Variants in PCDHGA3 observed in about 807,000 individuals in gnomAD.
The protein encoded by PCDHGA3 is protocadherin gamma subfamily A, 3.
In PCDHGA3, 40 loss-of-function variants were observed where a neutral mutation model predicts 58.5. That is an observed-to-expected ratio of 0.68 (90% CI 0.53 to 0.89). The LOEUF (loss-of-function observed/expected upper bound fraction) is 0.89, where lower values mean the gene tolerates loss of function less well. Ranked by LOEUF, PCDHGA3 falls within the 40% of genes least tolerant of loss-of-function variation. The pLI is 0.00. For missense variants in PCDHGA3, 1,223 were observed against 1,195.9 expected (o/e 1.02, Z -0.33); for synonymous variants, 530 against 525.7 (o/e 1.01, Z -0.11).
At chr5:141,505,282 G>C (rs73280377) in intron 2 of PCDHGA3, 111 bp from the exon 3 acceptor site, 37,017 of 1,544,812 alleles carry the variant, frequency 0.024, 1,115 homozygotes, top group African/African-American at 0.15. Context: ...AACAGGTCTT[G>C]GGCATGGGGT....
intron 1 of PCDHGA3, among the ~76,000 whole-genome samples, chr5:141,359,492 G>A (rs1040893615): frequency 4.0e-5 from 6 of 149,576 alleles, no homozygotes; most frequent in East Asian, 1.9e-4. Context: ...TTCATATTAC[G>A]GACTACTAGA....
At chr5:141,375,246 G>C in intron 1 of PCDHGA3, 1 of 1,613,930 alleles carries the variant, frequency 6.2e-7, no homozygotes, top group South Asian at 1.1e-5. Flanking sequence ...TCCATCCCGA[G>C]AAGTCTCCCA....
At position 141,344,334 on chromosome 5, in the gene PCDHGA3, CTG is replaced by C. The variant is rs1757404707; in HGVS notation, c.305_306del (p.Cys102SerfsTer5). The C allele has an allele frequency of 4.3e-6, 7 of 1,613,950 alleles. No homozygotes were observed. The highest frequency in any genetic ancestry group is 5.9e-6 in the Non-Finnish European group (7 of 1,179,894). On this transcript the variant is annotated frameshift_variant, in exon 1 of 4. Coordinates refer to ENST00000253812, the MANE Select transcript of PCDHGA3 (RefSeq NM_018916.4). LOFTEE classifies it high-confidence loss of function. ...DREELCAQIP[L>X]CLVKINILVE... ...GGAGGAGCTCTGCGCTCAGATCCCGCTGTGTCTGGTAAAAATTAACATTCTGG... is the reference window on the plus strand; with the variant it reads ...GGAGGAGCTCTGCGCTCAGATCCCGCTGTCTGGTAAAAATTAACATTCTGG...
intron 1 of PCDHGA3, chr5:141,384,147 T>A: frequency 6.2e-7 from 1 of 1,613,270 alleles, no homozygotes; most frequent in Non-Finnish European, 8.5e-7. Flanking sequence ...AAACACTCTC[T>A]TTGTATAACA....
chr5:141,509,825 C>A (rs1057042581), intron 3 of PCDHGA3, among the ~76,000 whole-genome samples: 18 of 152,222 alleles, frequency 1.2e-4, no homozygotes, highest in African/African-American at 1.2e-4. Context: ...TCTCCATCTT[C>A]TCTCTACCTC....
Position 141,490,480 on chromosome 5 carries a change from C to G in PCDHGA3, c.2425-4327C>G. On this transcript the variant is annotated intron_variant, in intron 1 of 3. Coordinates refer to ENST00000253812, the MANE Select transcript of PCDHGA3 (RefSeq NM_018916.4). This position sits in a 1 kb window ranked among gnomAD's most constrained non-coding sequence, Gnocchi z 5.4. The stretch of plus-strand genomic sequence containing the variant: ...GCTGCTAACCAGCCAGCCTTTGGAC[C>G]GGGAGGCCACATCCCACTATATCAT... 2.5e-6 allele frequency: 4 copies of G among 1,614,194 alleles called. No homozygotes were observed. The highest frequency in any genetic ancestry group is 3.4e-6 in the Non-Finnish European group (4 of 1,180,050).
intron 1 of PCDHGA3, chr5:141,370,805 C>T: frequency 6.2e-7 from 1 of 1,614,026 alleles, no homozygotes; most frequent in Non-Finnish European, 8.5e-7. Flanking sequence ...GCCAAAATAT[C>T]ACTGAGCTGG....
Position 141,351,165 on chromosome 5 carries a change from C to T in PCDHGA3, c.2424+4708C>T, listed in dbSNP as rs1236569815. ...ACTGGCGACATCACAACCAATGGCA[C>T]ATTGGATTTTGAAGAGACAAGTAGA... On this transcript the variant is annotated intron_variant, in intron 1 of 3. Coordinates refer to ENST00000253812, the MANE Select transcript of PCDHGA3 (RefSeq NM_018916.4). 3 of 1,613,988 alleles carry T rather than the reference C, an allele frequency of 1.9e-6. No individual in the cohort carries two copies. In the South Asian group the frequency reaches 3.3e-5, roughly 18 times the overall value.
intron 1 of PCDHGA3, chr5:141,361,220 C>G (rs1466381817): frequency 6.2e-7 from 1 of 1,613,950 alleles, no homozygotes; most frequent in African/African-American, 1.3e-5. Flanking sequence ...GATTCGCCAC[C>G]AGGAACAGTG....
At chr5:141,392,571 G>A (rs920993262) in intron 1 of PCDHGA3, 5 of 449,626 alleles carry the variant, frequency 1.1e-5, no homozygotes, top group African/African-American at 1.0e-4. Flanking sequence ...TAACTATTTA[G>A]GACTGTAAGC....
chr5:141,394,608 G>A lies in PCDHGA3; in HGVS notation c.2424+48151G>A, dbSNP rs749049825. 15 of 1,613,420 alleles carry A rather than the reference G, an allele frequency of 9.3e-6. No homozygotes were observed. The African/African-American group carries it at 1.9e-4, about 20-fold the overall frequency. ...GGTGGTGGCGGTGGACAGAGACTCGGGCCAGAACGCCTGGCTGTCCTACCG... is the reference window on the plus strand; with the variant it reads ...GGTGGTGGCGGTGGACAGAGACTCGAGCCAGAACGCCTGGCTGTCCTACCG... On this transcript the variant is annotated intron_variant, in intron 1 of 3. Transcript: ENST00000253812.
chr5:141,345,785 C>G lies in PCDHGA3; in HGVS notation c.1752C>G (p.Pro584=), dbSNP rs540850539. The change falls in exon 1 of 4, where the codon CCC becomes CCG. Residue 584 remains proline, a synonymous_variant. Coordinates refer to ENST00000253812, the MANE Select transcript of PCDHGA3 (RefSeq NM_018916.4). ...GVELAPRSAE[P]GYLVTKVVAV... The stretch of plus-strand genomic sequence containing the variant: ...AGCTGGCGCCTCGCTCCGCAGAGCC[C>G]GGCTACCTGGTGACCAAGGTGGTGG... 1.3e-5 allele frequency: 21 copies of G among 1,613,918 alleles called. No individual in the cohort carries two copies. The highest frequency in any genetic ancestry group is 2.2e-5 in the South Asian group (2 of 91,056).
intron 1 of PCDHGA3, among the ~76,000 whole-genome samples, chr5:141,437,364 T>C (rs1026384836): frequency 6.6e-6 from 1 of 152,232 alleles, no homozygotes; most frequent in African/African-American, 2.4e-5. Flanking sequence ...AAAATTGGAA[T>C]GTAATCAGTC....
intron 1 of PCDHGA3, chr5:141,427,993 C>G: frequency 6.3e-7 from 1 of 1,599,460 alleles, no homozygotes; most frequent in South Asian, 1.1e-5. Flanking sequence ...CCCGATGGCT[C>G]CGCACTCTTC....
intron 1 of PCDHGA3, among the ~76,000 whole-genome samples, chr5:141,348,788 G>A (rs1375979447): frequency 6.6e-6 from 1 of 152,164 alleles, no homozygotes; most frequent in Non-Finnish European, 1.5e-5. Flanking sequence ...CAAGTGAAAA[G>A]GTATCTTAAG....
At chr5:141,391,707 C>T (rs1004180070) in intron 1 of PCDHGA3, 1 of 152,154 alleles carries the variant, frequency 6.6e-6, no homozygotes, top group African/African-American at 2.4e-5. Context: ...CCAGGCTGGT[C>T]TTGAAGGGAA....
intron 1 of PCDHGA3, chr5:141,408,109 C>T (rs1011504923): frequency 3.5e-6 from 5 of 1,445,662 alleles, no homozygotes; most frequent in Non-Finnish European, 4.6e-6. Flanking sequence ...AGACCCGGGA[C>T]TCCTCCTGTC....
At position 141,490,645 on chromosome 5, in the gene PCDHGA3, C is replaced by G; in HGVS notation, c.2425-4162C>G. ...TGCTTACATCCTAGAAAACCGGCCTCCGGGCTCCCTTCTTTGCACTGTGGC... is the reference window on the plus strand; with the variant it reads ...TGCTTACATCCTAGAAAACCGGCCTGCGGGCTCCCTTCTTTGCACTGTGGC... On this transcript the variant is annotated intron_variant, in intron 1 of 3. Transcript: ENST00000253812. The surrounding 1 kb of genome is among the most constrained non-coding windows in gnomAD (Gnocchi z 5.4). 6.2e-7 allele frequency: 1 copy of G among 1,614,220 alleles called. No homozygotes were observed. Among genetic ancestry groups the G allele is most frequent in the Non-Finnish European group, 8.5e-7 (1 of 1,180,022 alleles).
chr5:141,354,916 A>T (rs916741222), intron 1 of PCDHGA3: 11 of 411,270 alleles, frequency 2.7e-5, no homozygotes, highest in Middle Eastern at 1.2e-3. Flanking sequence ...AAAAGTGTAT[A>T]AAAAATAAAC....
Sources: allele counts gnomAD v4.1 joint callset (sites outside exome capture counted in the v4.1 genomes callset), GRCh38; gene constraint gnomAD v4.1.1; non-coding constraint Gnocchi (gnomAD v3.1); transcripts MANE v1.5; gene names NCBI Gene and HGNC (gene_info 2026-07-23, HGNC 2026-07-21).